The following WDPCP variants were observed in gnomAD, a reference collection of about 807,000 sequenced individuals.
WDPCP encodes the protein WD repeat-containing and planar cell polarity effector protein fritz homolog.
In WDPCP, 71 loss-of-function variants were observed where a neutral mutation model predicts 93.1. The observed-to-expected ratio is 0.76, with a 90% confidence interval of 0.63 to 0.93. The LOEUF (loss-of-function observed/expected upper bound fraction) is 0.93. Among genes scored for constraint, WDPCP ranks in the 40% least tolerant of loss-of-function variants. The probability of loss-of-function intolerance (pLI) is 0.00; values close to 1 mark genes in which losing one functional copy is unlikely to be tolerated. For synonymous variants in WDPCP, 315 were observed against 315.0 expected (o/e 1.00, Z 0.00); for missense variants, 844 against 887.4 (o/e 0.95, Z 0.62).
chr2:63,283,624 G>A (rs1484765246), intron 13 of WDPCP, among the ~76,000 whole-genome samples: 1 of 152,182 alleles, frequency 6.6e-6, no homozygotes, highest in East Asian at 1.9e-4. Context: ...TACAAAAAAA[G>A]TTTGCCAACC....
At chr2:63,335,011 A>G (rs6545997) in intron 12 of WDPCP, among the ~76,000 whole-genome samples, 1 of 152,038 alleles carries the variant, frequency 6.6e-6, no homozygotes, top group Non-Finnish European at 1.5e-5. Context: ...CCTCTGCCCA[A>G]CTGAGTGAGA....
At chr2:63,388,216 T>G (rs533498242) in intron 10 of WDPCP, among the ~76,000 whole-genome samples, 98 of 152,200 alleles carry the variant, frequency 6.4e-4, no homozygotes, top group Admixed American at 1.7e-3. Flanking sequence ...GGGTGATTTC[T>G]GCATTTCCAA....
chr2:63,327,772 C>A (rs757634714), intron 12 of WDPCP, among the ~76,000 whole-genome samples: 14 of 152,164 alleles, frequency 9.2e-5, no homozygotes, highest in Non-Finnish European at 1.9e-4. Context: ...GCCTTCGGGG[C>A]CCTGTATTTT....
At position 63,588,328 on chromosome 2, in the gene WDPCP, G is replaced by A; in HGVS notation, c.-57C>T. ...AGGCTAGGTCCTCGGACCCGAGAGG[G>A]AGCGACACGCTCGCTTGGTCTCTTG... On this transcript the variant is annotated 5_prime_UTR_variant, in exon 1 of 18. Transcript: ENST00000272321. The A allele has an allele frequency of 1.3e-6, 2 of 1,543,536 alleles. No individual in the cohort carries two copies. Among genetic ancestry groups the A allele is most frequent in the African/African-American group, 1.4e-5 (1 of 72,976 alleles).
At chr2:63,201,513 A>G (rs891805625) in intron 14 of WDPCP, among the ~76,000 whole-genome samples, 2 of 152,188 alleles carry the variant, frequency 1.3e-5, no homozygotes, top group African/African-American at 2.4e-5. Context: ...CTGCAGTACA[A>G]TAGGTTTTAA....
intron 12 of WDPCP, among the ~76,000 whole-genome samples, chr2:63,374,801 T>C (rs1181647339): frequency 6.7e-6 from 1 of 150,364 alleles, no homozygotes; most frequent in African/African-American, 2.4e-5. Flanking sequence ...ACTTTATCGT[T>C]TTACAATATT....
intron 9 of WDPCP, among the ~76,000 whole-genome samples, chr2:63,428,871 T>C (rs939204323): frequency 6.6e-6 from 1 of 152,152 alleles, no homozygotes; most frequent in Non-Finnish European, 1.5e-5. Context: ...AACTACGAAA[T>C]ACTGCTGAAA....
intron 3 of WDPCP, among the ~76,000 whole-genome samples, chr2:63,619,269 G>A (rs777182560): frequency 1.3e-4 from 20 of 152,280 alleles, no homozygotes; most frequent in African/African-American, 4.6e-4. Flanking sequence ...GATCATCAGA[G>A]AAAATTATCC....
chr2:63,801,625 GCTGATTGGTGCATTTTACAGAACA>G (rs904143657), intron 2 of WDPCP, among the ~76,000 whole-genome samples: 1 of 152,138 alleles, frequency 6.6e-6, no homozygotes, highest in African/African-American at 2.4e-5. Flanking sequence ...TTAGAATCCT[GCTGATTGGTGCATTTTACAGAACA>G]CTGATTGGTG....
At chr2:63,604,875 A>G in intron 3 of WDPCP, 6 of 1,613,862 alleles carry the variant, frequency 3.7e-6, no homozygotes, top group African/African-American at 1.3e-5. Context: ...TTGTCACGGT[A>G]AGAAAAATCT....
intron 2 of WDPCP, among the ~76,000 whole-genome samples, chr2:63,663,255 T>A (rs1710247764): frequency 6.6e-6 from 1 of 152,234 alleles, no homozygotes; most frequent in African/African-American, 2.4e-5. Context: ...GCAGCTACAA[T>A]GCAGGACGAC....
At chr2:63,732,548 A>G (rs181011159) in intron 2 of WDPCP, among the ~76,000 whole-genome samples, 7 of 152,362 alleles carry the variant, frequency 4.6e-5, no homozygotes, top group Non-Finnish European at 8.8e-5. Flanking sequence ...CTTATTAGAG[A>G]ATAAATAATA....
chr2:63,453,287 A>T (rs1184373881), intron 6 of WDPCP, among the ~76,000 whole-genome samples: 1 of 152,256 alleles, frequency 6.6e-6, no homozygotes, highest in Non-Finnish European at 1.5e-5. Context: ...GGCAAAGGAT[A>T]TGAACCGACA....
At chr2:63,580,201 T>G (rs1046754174) in intron 1 of WDPCP, among the ~76,000 whole-genome samples, 1 of 152,142 alleles carries the variant, frequency 6.6e-6, no homozygotes, top group Non-Finnish European at 1.5e-5. Context: ...AAACTTACAG[T>G]AGAATGCCAT....
chr2:63,451,057 T>G (rs1045002529), intron 6 of WDPCP, among the ~76,000 whole-genome samples: 1 of 151,492 alleles, frequency 6.6e-6, no homozygotes, highest in Non-Finnish European at 1.5e-5. Flanking sequence ...CTAAAGAAGC[T>G]CAGTAAGATA....
At chr2:63,687,829 T>C (rs1488062792) in intron 2 of WDPCP, among the ~76,000 whole-genome samples, 4 of 152,200 alleles carry the variant, frequency 2.6e-5, no homozygotes, top group Non-Finnish European at 5.9e-5. Flanking sequence ...GCAATCCCAC[T>C]ACTCGGTATA....
At chr2:63,352,998 T>C (rs1417179321) in intron 12 of WDPCP, among the ~76,000 whole-genome samples, 1 of 152,060 alleles carries the variant, frequency 6.6e-6, no homozygotes, top group Non-Finnish European at 1.5e-5. Flanking sequence ...TATACTCACA[T>C]TGGGACTAAT....
chr2:63,234,649 T>C (rs944120450), intron 14 of WDPCP, among the ~76,000 whole-genome samples: 2 of 152,176 alleles, frequency 1.3e-5, no homozygotes, highest in Non-Finnish European at 2.9e-5. Flanking sequence ...AGAAGAATCA[T>C]TTTTCTCTGT....
At chr2:63,629,527 G>A (rs971385118) in intron 3 of WDPCP, among the ~76,000 whole-genome samples, 4 of 152,226 alleles carry the variant, frequency 2.6e-5, no homozygotes, top group Admixed American at 6.5e-5. Context: ...GGTATCAGAG[G>A]AGAGCTAGTG....
Sources: allele counts gnomAD v4.1 joint callset (sites outside exome capture counted in the v4.1 genomes callset), GRCh38; gene constraint gnomAD v4.1.1; transcripts MANE v1.5; gene names NCBI Gene and HGNC (gene_info 2026-07-23, HGNC 2026-07-21).